The following DOK5 variants were observed in gnomAD, a reference collection of about 807,000 sequenced individuals.
DOK5 encodes the protein downstream of tyrosine kinase 5.
Under a neutral mutation model 43.3 loss-of-function variants are expected in DOK5, and 27 were observed. The ratio of observed to expected loss-of-function variants is 0.62; its 90% CI spans 0.46 to 0.86. The LOEUF is 0.86. Ranked by LOEUF, DOK5 falls within the 40% of genes least tolerant of loss-of-function variation. The pLI is 0.00. For synonymous variants in DOK5, 146 were observed against 140.1 expected (o/e 1.04, Z -0.30); for missense variants, 373 against 392.9 (o/e 0.95, Z 0.43).
chr20:54,526,149 T>C (rs922305815), intron 1 of DOK5, among the ~76,000 whole-genome samples: 10 of 152,116 alleles, frequency 6.6e-5, no homozygotes, highest in African/African-American at 1.7e-4. Flanking sequence ...TCTTTTTTTT[T>C]TTTTTTAACT....
intron 1 of DOK5, among the ~76,000 whole-genome samples, chr20:54,529,820 A>G (rs1983708638): frequency 6.6e-6 from 1 of 152,210 alleles, no homozygotes; most frequent in Non-Finnish European, 1.5e-5. Flanking sequence ...AAATCCTACA[A>G]TACATGGTCT....
At chr20:54,589,834 A>G (rs1985926699) in intron 4 of DOK5, among the ~76,000 whole-genome samples, 1 of 152,186 alleles carries the variant, frequency 6.6e-6, no homozygotes, top group African/African-American at 2.4e-5. Context: ...GCCATAACCC[A>G]TCTCCATGGA....
At chr20:54,647,073 G>A (rs1378421572) in intron 7 of DOK5, among the ~76,000 whole-genome samples, 1 of 152,092 alleles carries the variant, frequency 6.6e-6, no homozygotes, top group Non-Finnish European at 1.5e-5. Flanking sequence ...TGGGGAAAGG[G>A]AGGTGGCTGG....
intron 1 of DOK5, among the ~76,000 whole-genome samples, chr20:54,507,111 T>C (rs1982836803): frequency 6.6e-6 from 1 of 152,212 alleles, no homozygotes; most frequent in Non-Finnish European, 1.5e-5. Flanking sequence ...CAAATATTTT[T>C]TGAGTACTTA....
chr20:54,607,179 C>T (rs1313993695), intron 5 of DOK5, among the ~76,000 whole-genome samples: 1 of 152,182 alleles, frequency 6.6e-6, no homozygotes, highest in Non-Finnish European at 1.5e-5. Flanking sequence ...CAATCAGAAA[C>T]TGTGAGTACC....
intron 1 of DOK5, among the ~76,000 whole-genome samples, chr20:54,539,880 GA>G: frequency 6.6e-6 from 1 of 152,242 alleles, no homozygotes; most frequent in East Asian, 1.9e-4. Flanking sequence ...AACTGATAGA[GA>G]AATTCCACCT....
intron 1 of DOK5, among the ~76,000 whole-genome samples, chr20:54,485,791 G>T (rs1369561512): frequency 6.6e-6 from 1 of 152,128 alleles, no homozygotes; most frequent in Non-Finnish European, 1.5e-5. Context: ...TGAGTGAATC[G>T]GTTTTTCTGC....
In DOK5 at chr20:54,591,734, C is replaced by T. The variant is rs1340143510; in HGVS notation, c.528C>T (p.Leu176=). 1.2e-6 allele frequency: 2 copies of T among 1,614,228 alleles called. No homozygotes were observed. Among genetic ancestry groups the T allele is most frequent in the Non-Finnish European group, 1.7e-6 (2 of 1,180,034 alleles). The change falls in exon 5 of 8, where the codon CTC becomes CTT. Residue 176 remains leucine, a synonymous_variant. Coordinates refer to ENST00000262593, the MANE Select transcript of DOK5 (RefSeq NM_018431.5). The part of the protein sequence containing the change: ...LWDVQNPRVK[L]ISWPLSALRR... ...ACGTCCAGAATCCCAGAGTCAAACT[C>T]ATCTCTTGGCCGCTAAGCGCCCTGC...
chr20:54,481,421 G>C (rs35276316), intron 1 of DOK5, among the ~76,000 whole-genome samples: 26,860 of 152,022 alleles, frequency 0.18, 3,732 homozygotes, highest in African/African-American at 0.39. Flanking sequence ...ACAAGCCTCG[G>C]CCTCCTAAAA....
Position 54,572,164 on chromosome 20 carries a change from C to CT in DOK5, c.175-16305dup, listed in dbSNP as rs1203805647. Among the ~76,000 whole-genome samples, 866 of 143,340 alleles carry CT rather than the reference C, an allele frequency of 6.0e-3. 3 individuals carry two copies. The highest frequency in any genetic ancestry group is 0.016 in the African/African-American group (621 of 39,352). 94.0% of individuals were successfully genotyped at this position (143,340 alleles called of 152,430 possible). A position where few individuals can be genotyped will look rare whatever the true frequency, so the allele number is the denominator to read the frequency against. On this transcript the variant is annotated intron_variant, in intron 2 of 7. Coordinates refer to ENST00000262593, the MANE Select transcript of DOK5 (RefSeq NM_018431.5). ...ATTAACCTCTTTATGTTGCAACATT[C>CT]TTTTTTTTTTTTTTGAGACGGAGTC... is the stretch of plus-strand genomic sequence containing the variant.
At chr20:54,603,922 T>G (rs1986378819) in intron 5 of DOK5, among the ~76,000 whole-genome samples, 1 of 148,284 alleles carries the variant, frequency 6.7e-6, no homozygotes, top group Non-Finnish European at 1.5e-5. Flanking sequence ...GGGATTGTAC[T>G]CCACTTGTTC....
intron 1 of DOK5, among the ~76,000 whole-genome samples, chr20:54,501,035 A>G (rs1033721764): frequency 1.3e-5 from 2 of 152,152 alleles, no homozygotes; most frequent in East Asian, 1.9e-4. Context: ...AACTTTGACC[A>G]TGTTTTAGAT....
chr20:54,505,133 G>A (rs1439193093), intron 1 of DOK5, among the ~76,000 whole-genome samples: 1 of 152,034 alleles, frequency 6.6e-6, no homozygotes, highest in Non-Finnish European at 1.5e-5. Flanking sequence ...TTGACCTTGG[G>A]GAAGTCACTT....
intron 1 of DOK5, among the ~76,000 whole-genome samples, chr20:54,551,765 T>C (rs542071409): frequency 2.4e-4 from 36 of 152,216 alleles, no homozygotes; most frequent in Non-Finnish European, 4.0e-4. Context: ...AATTGACTAA[T>C]TATACTAATA....
chr20:54,632,120 C>G (rs561773703), intron 6 of DOK5, among the ~76,000 whole-genome samples: 6 of 152,142 alleles, frequency 3.9e-5, no homozygotes, highest in African/African-American at 1.2e-4. Flanking sequence ...CTGCAGGGGT[C>G]GTGGCTGAAT....
chr20:54,648,373 A>G (rs184409885), intron 7 of DOK5, among the ~76,000 whole-genome samples: 45 of 152,316 alleles, frequency 3.0e-4, no homozygotes, highest in African/African-American at 1.0e-3. Flanking sequence ...GATTTGGTAT[A>G]TGGAACAGTG....
intron 2 of DOK5, among the ~76,000 whole-genome samples, chr20:54,564,552 AT>A (rs1204373870): frequency 5.3e-4 from 80 of 152,332 alleles, no homozygotes; most frequent in African/African-American, 1.8e-3. Flanking sequence ...CCTAATTGTG[AT>A]TGGAAAGCTG....
intron 6 of DOK5, among the ~76,000 whole-genome samples, chr20:54,642,156 A>G (rs1979151917): frequency 6.6e-6 from 1 of 151,978 alleles, no homozygotes; most frequent in South Asian, 2.1e-4. Flanking sequence ...TACCCATCCT[A>G]CAGGCTCTTT....
intron 1 of DOK5, among the ~76,000 whole-genome samples, chr20:54,554,169 G>T (rs1431931992): frequency 6.6e-6 from 1 of 152,132 alleles, no homozygotes; most frequent in Non-Finnish European, 1.5e-5. Context: ...GGATATAGAT[G>T]ATTTCCAAGA....
Sources: gnomAD v4.1 joint callset for allele counts (sites outside exome capture counted in the v4.1 genomes callset) on GRCh38, gnomAD v4.1.1 for gene constraint, MANE v1.5 for transcripts, NCBI Gene and HGNC (gene_info 2026-07-23, HGNC 2026-07-21) for gene names.